ASB17: variants seen among roughly 807,000 people sequenced by gnomAD.
The protein encoded by ASB17 is ankyrin repeat and SOCS box containing 17, also known as ankyrin repeat and SOCS box protein 17.
ASB17 carries 26 observed loss-of-function variants against 25.7 expected under a neutral mutation model. The observed-to-expected ratio is 1.01, with a 90% CI of 0.74 to 1.40. The LOEUF is 1.40. Ranked by LOEUF, ASB17 falls within the 40% of genes most tolerant of loss-of-function variation. The pLI, the probability that ASB17 is intolerant of heterozygous loss-of-function variation, is 0.00. For missense variants in ASB17, 326 were observed against 338.5 expected (o/e 0.96, Z 0.29); for synonymous variants, 128 against 121.4 (o/e 1.05, Z -0.36).
At chr1:75,929,782 T>C (rs1050968208) in intron 1 of ASB17, among the ~76,000 whole-genome samples, 4 of 151,710 alleles carry the variant, frequency 2.6e-5, no homozygotes, top group African/African-American at 7.3e-5. Context: ...ACGAAAGAGA[T>C]GAAAGGAGAT....
chr1:75,919,150 CAGCTGTGTCTGAAGAAA>C lies in ASB17; in HGVS notation c.682-9_689del. The C allele has an allele frequency of 1.2e-6, 2 of 1,609,516 alleles. No homozygotes were observed. On this transcript the variant is annotated splice_acceptor_variant and splice_polypyrimidine_tract_variant and coding_sequence_variant and intron_variant, in exon 3 of 3. Coordinates refer to ENST00000284142, the MANE Select transcript of ASB17 (RefSeq NM_080868.3). LOFTEE classifies it high-confidence loss of function. Reference sequence around the variant, plus strand: ...AAATAATTGGATGTCTTCCTAAACTCAGCTGTGTCTGAAGAAAAGCAAAATATTTTACTTTTGTAATG... The same window carrying C: ...AAATAATTGGATGTCTTCCTAAACTCAGCAAAATATTTTACTTTTGTAATG...
intron 1 of ASB17, among the ~76,000 whole-genome samples, chr1:75,929,952 G>T (rs1653278226): frequency 7.0e-6 from 1 of 143,650 alleles, no homozygotes; most frequent in African/African-American, 2.5e-5. Flanking sequence ...GAATTCTGGG[G>T]AAGGAGAAGG....
At chr1:75,927,115 GGAATGTA>G (rs1653193333) in intron 1 of ASB17, among the ~76,000 whole-genome samples, 1 of 152,128 alleles carries the variant, frequency 6.6e-6, no homozygotes, top group South Asian at 2.1e-4. Flanking sequence ...TATCAGCCAA[GGAATGTA>G]GATGGCCTCT....
At chr1:75,925,947 G>T (rs1382837355) in intron 1 of ASB17, among the ~76,000 whole-genome samples, 7 of 151,952 alleles carry the variant, frequency 4.6e-5, no homozygotes, top group African/African-American at 9.7e-5. Flanking sequence ...CATCTCTTTG[G>T]CTATTTCTCC....
At chr1:75,929,798 G>A (rs555119317) in intron 1 of ASB17, among the ~76,000 whole-genome samples, 23 of 152,152 alleles carry the variant, frequency 1.5e-4, no homozygotes, top group African/African-American at 5.5e-4. Flanking sequence ...GAGATGAAAA[G>A]AAAAAGAAAT....
chr1:75,930,128 A>G (rs1241225743), intron 1 of ASB17, among the ~76,000 whole-genome samples: 7 of 150,706 alleles, frequency 4.6e-5, no homozygotes, highest in Non-Finnish European at 1.0e-4. Flanking sequence ...CATATACATC[A>G]TATTTAAAGT....
chr1:75,929,843 T>C (rs1296007254), intron 1 of ASB17, among the ~76,000 whole-genome samples: 1 of 152,048 alleles, frequency 6.6e-6, no homozygotes, highest in Non-Finnish European at 1.5e-5. Flanking sequence ...CAGGACTTAC[T>C]GATGTGTTGA....
chr1:75,925,162 G>A (rs1243714259), intron 1 of ASB17, among the ~76,000 whole-genome samples: 3 of 151,934 alleles, frequency 2.0e-5, no homozygotes, highest in Non-Finnish European at 4.4e-5. Flanking sequence ...TGAAAATTTT[G>A]ACTATATATA....
chr1:75,929,960 A>G (rs1257488612), intron 1 of ASB17, among the ~76,000 whole-genome samples: 2 of 123,668 alleles, frequency 1.6e-5, no homozygotes, highest in African/African-American at 3.1e-5. Flanking sequence ...GGGAAGGAGA[A>G]GGTTGGCAGA....
At chr1:75,927,628 C>T (rs897166331) in intron 1 of ASB17, among the ~76,000 whole-genome samples, 1 of 152,070 alleles carries the variant, frequency 6.6e-6, no homozygotes, top group Non-Finnish European at 1.5e-5. Context: ...GCAAATTCAG[C>T]CTCAGGGACC....
intron 2 of ASB17, 71 bp from the exon 3 acceptor site, chr1:75,919,229 A>G: frequency 9.5e-7 from 1 of 1,051,230 alleles, no homozygotes; most frequent in Non-Finnish European, 1.3e-6. Flanking sequence ...ATTAAAACTT[A>G]TTTTTAATTT....
chr1:75,919,599 A>C (rs1418761194), intron 2 of ASB17, among the ~76,000 whole-genome samples: 1 of 151,812 alleles, frequency 6.6e-6, no homozygotes, highest in Admixed American at 6.6e-5. Context: ...ATGTGTTCTC[A>C]TTGTTCAGTT....
chr1:75,931,810 T>G, intron 1 of ASB17, 81 bp downstream of exon 1: 1 of 1,318,218 alleles, frequency 7.6e-7, no homozygotes, highest in Non-Finnish European at 1.0e-6. Context: ...ACTATACATG[T>G]GAGTTTTAGA....
At chr1:75,919,473 T>C (rs1400931153) in intron 2 of ASB17, among the ~76,000 whole-genome samples, 1 of 152,086 alleles carries the variant, frequency 6.6e-6, no homozygotes, top group East Asian at 1.9e-4. Flanking sequence ...GCCATGCTGG[T>C]GTGCTGCACC....
intron 1 of ASB17, among the ~76,000 whole-genome samples, chr1:75,925,190 C>A (rs971369323): frequency 3.3e-5 from 5 of 151,926 alleles, no homozygotes; most frequent in African/African-American, 1.2e-4. Flanking sequence ...GTAAAAAATT[C>A]CCTGAGTTTA....
chr1:75,919,013 T>C lies in ASB17; in HGVS notation c.827A>G (p.Asp276Gly), dbSNP rs1427306147. ...AGGAATTAGAAGTGAAAATATTCCA[T>C]CTGGGAGCATATTGTTGGTTAATAG... Reference protein sequence around the residue: ...NQLLTNNMLPDGIFSLLIPAR... With the variant: ...NQLLTNNMLPGGIFSLLIPAR... Residue 276 changes from aspartate to glycine, a missense_variant, in exon 3 of 3, where the codon GAT (aspartate) becomes GGT (glycine). Physicochemically the swap from Asp to Gly is moderately conservative, Grantham distance 94 (BLOSUM62 -1). Coordinates refer to ENST00000284142, the MANE Select transcript of ASB17 (RefSeq NM_080868.3). 6.2e-7 allele frequency: 1 copy of C among 1,613,024 alleles called. No individual in the cohort carries two copies. Among genetic ancestry groups the C allele is most frequent in the Non-Finnish European group, 8.5e-7 (1 of 1,179,212 alleles).
chr1:75,931,628 G>A (rs967278911), intron 1 of ASB17, among the ~76,000 whole-genome samples: 2 of 152,212 alleles, frequency 1.3e-5, no homozygotes, highest in African/African-American at 2.4e-5. Context: ...TGTTTAGTTA[G>A]AGAAACATGT....
chr1:75,923,243 G>A (rs1407074250), intron 1 of ASB17, among the ~76,000 whole-genome samples: 1 of 152,088 alleles, frequency 6.6e-6, no homozygotes, highest in Non-Finnish European at 1.5e-5. Flanking sequence ...AAATTATAGT[G>A]AGAACCATAT....
At chr1:75,922,020 C>G in intron 2 of ASB17, 60 bp downstream of exon 2, 1 of 1,374,042 alleles carries the variant, frequency 7.3e-7, no homozygotes, top group Non-Finnish European at 1.0e-6. Flanking sequence ...CTTTCCTTTA[C>G]AGTTGAATCT....
Sources: allele counts gnomAD v4.1 joint callset (sites outside exome capture counted in the v4.1 genomes callset), GRCh38; gene constraint gnomAD v4.1.1; transcripts MANE v1.5; gene names NCBI Gene and HGNC (gene_info 2026-07-23, HGNC 2026-07-21).